Variants in SPADH observed in about 807,000 individuals in gnomAD.
SPADH encodes the protein CUB domain-containing protein.
At chr10:122,674,946 G>T in the SPADH span, among the ~76,000 whole-genome samples, 14,036 of 152,170 alleles carry the variant, frequency 0.092, 677 homozygotes, top group Middle Eastern at 0.12. Flanking sequence ...TGAACCCGTG[G>T]GCCTGCCCGC....
the SPADH span, chr10:122,675,656 C>T: frequency 1.0e-6 from 1 of 984,378 alleles, no homozygotes; most frequent in East Asian, 1.1e-4. Flanking sequence ...ACTGTTAAAG[C>T]TCCATTTGCC....
the SPADH span, among the ~76,000 whole-genome samples, chr10:122,677,983 C>G: frequency 6.6e-6 from 1 of 152,156 alleles, no homozygotes; most frequent in Non-Finnish European, 1.5e-5. Flanking sequence ...TGGACATTTT[C>G]CCATATTGTC....
At chr10:122,673,236 A>C in the SPADH span, among the ~76,000 whole-genome samples, 1 of 152,090 alleles carries the variant, frequency 6.6e-6, no homozygotes, top group African/African-American at 2.4e-5. Context: ...TGCAGGGCTC[A>C]CCCAGAAGTG....
chr10:122,675,896 C>T, the SPADH span, among the ~76,000 whole-genome samples: 1 of 152,084 alleles, frequency 6.6e-6, no homozygotes, highest in South Asian at 2.1e-4. Context: ...ACCTCCAAGC[C>T]CCCCCGAAGT....
chr10:122,675,934 T>G, the SPADH span, among the ~76,000 whole-genome samples: 1 of 152,178 alleles, frequency 6.6e-6, no homozygotes, highest in East Asian at 1.9e-4. Context: ...CTGACCAGCC[T>G]GCTGGGCAGG....
chr10:122,678,174 G>C, the SPADH span, among the ~76,000 whole-genome samples: 1 of 152,146 alleles, frequency 6.6e-6, no homozygotes, highest in Non-Finnish European at 1.5e-5. Flanking sequence ...ACTGAGACCT[G>C]CTGGGGCCTG....
At chr10:122,672,956 T>C in the SPADH span, 3 of 983,658 alleles carry the variant, frequency 3.0e-6, no homozygotes, top group Non-Finnish European at 3.6e-6. Context: ...CCCTTTCTTC[T>C]GGGCCTCGCA....
At chr10:122,678,927 C>G in the SPADH span, 1 of 984,116 alleles carries the variant, frequency 1.0e-6, no homozygotes, top group Non-Finnish European at 1.2e-6. Context: ...ATTTGTAAAG[C>G]CTTCAGTACA....
the SPADH span, among the ~76,000 whole-genome samples, chr10:122,678,486 C>T: frequency 6.6e-6 from 1 of 152,194 alleles, no homozygotes; most frequent in South Asian, 2.1e-4. Context: ...ACATACCACT[C>T]TGCTGGCTGC....
At chr10:122,675,614 T>A in the SPADH span, 1 of 969,862 alleles carries the variant, frequency 1.0e-6, no homozygotes, top group Non-Finnish European at 1.2e-6. Context: ...ATTTTCATGG[T>A]TTTTTTTGTT....
chr10:122,679,017 A>C, the SPADH span: 1 of 985,212 alleles, frequency 1.0e-6, no homozygotes, highest in East Asian at 1.1e-4. Flanking sequence ...TTTGAAATAT[A>C]TTACTTTGTT....
At chr10:122,679,027 T>C in the SPADH span, 2 of 985,206 alleles carry the variant, frequency 2.0e-6, no homozygotes, top group African/African-American at 3.5e-5. Flanking sequence ...ATTACTTTGT[T>C]GACGCTTGGT....
the SPADH span, among the ~76,000 whole-genome samples, chr10:122,674,048 T>G: frequency 6.6e-6 from 1 of 152,238 alleles, no homozygotes; most frequent in Admixed American, 6.5e-5. Context: ...GTGGAAAAAT[T>G]TAATATGCTT....
chr10:122,675,313 T>C, the SPADH span, among the ~76,000 whole-genome samples: 3 of 152,364 alleles, frequency 2.0e-5, 1 homozygote, highest in South Asian at 6.2e-4. Context: ...CAGTCATTTC[T>C]GACCATGGCT....
chr10:122,675,038 G>A, the SPADH span, among the ~76,000 whole-genome samples: 13 of 152,164 alleles, frequency 8.5e-5, no homozygotes, highest in East Asian at 3.9e-4. Context: ...CTTGGATCCC[G>A]TTATCTAACT....
chr10:122,678,664 G>T, the SPADH span, among the ~76,000 whole-genome samples: 2 of 152,076 alleles, frequency 1.3e-5, no homozygotes, highest in African/African-American at 4.8e-5. Context: ...TGGAGGGGGT[G>T]CTCGGGCCCC....
At chr10:122,674,876 C>A in the SPADH span, among the ~76,000 whole-genome samples, 1 of 152,160 alleles carries the variant, frequency 6.6e-6, no homozygotes, top group African/African-American at 2.4e-5. Flanking sequence ...GAGTTAAAAA[C>A]TTTGTCCAAA....
the SPADH span, among the ~76,000 whole-genome samples, chr10:122,675,095 C>A: frequency 1.3e-5 from 2 of 152,296 alleles, no homozygotes; most frequent in South Asian, 4.1e-4. Context: ...TGGCTCACTT[C>A]TACTCACTTA....
At chr10:122,677,343 A>T in the SPADH span, among the ~76,000 whole-genome samples, 1 of 152,346 alleles carries the variant, frequency 6.6e-6, no homozygotes, top group Admixed American at 6.5e-5. Flanking sequence ...CCATAACAAT[A>T]AAACCACTTT....
Sources: allele counts gnomAD v4.1 joint callset (sites outside exome capture counted in the v4.1 genomes callset), GRCh38; gene constraint gnomAD v4.1.1; transcripts MANE v1.5; gene names NCBI Gene and HGNC (gene_info 2026-07-23, HGNC 2026-07-21).